TLE4: variants seen among roughly 807,000 people sequenced by gnomAD.
TLE4 encodes the protein TLE family member 4, transcriptional corepressor, also known as transducin-like enhancer protein 4.
In TLE4, 8 loss-of-function variants were observed where a neutral mutation model predicts 92.8. The ratio of observed to expected loss-of-function variants is 0.09; its 90% CI spans 0.05 to 0.16. The LOEUF (loss-of-function observed/expected upper bound fraction) is 0.16, where lower values mean the gene tolerates loss of function less well. Ranked by LOEUF, TLE4 falls within the 10% of genes least tolerant of loss-of-function variation. The probability of loss-of-function intolerance (pLI) is 1.00; values close to 1 mark genes in which losing one functional copy is unlikely to be tolerated. For missense variants in TLE4, 675 were observed against 997.6 expected, an observed-to-expected ratio of 0.68 and a Z score of 4.36; for synonymous variants, 371 against 374.1, an observed-to-expected ratio of 0.99 and a Z score of 0.10.
At chr9:79,723,278 C>T in intron 19 of TLE4, among the ~76,000 whole-genome samples, 1 of 152,178 alleles carries the variant, frequency 6.6e-6, no homozygotes, top group Non-Finnish European at 1.5e-5. Flanking sequence ...CTCACTGTTG[C>T]TTCATCATCA....
At chr9:79,664,117 G>A (rs2060997822) in intron 8 of TLE4, among the ~76,000 whole-genome samples, 1 of 152,204 alleles carries the variant, frequency 6.6e-6, no homozygotes, top group Non-Finnish European at 1.5e-5. Flanking sequence ...CGTGCAGAGG[G>A]GTAATCTGGA....
chr9:79,638,502 T>C lies in TLE4; in HGVS notation c.390+11054T>C, dbSNP rs779023569. On this transcript the variant is annotated intron_variant, in intron 6 of 19. Transcript: ENST00000376552. Reference sequence around the variant, plus strand: ...AGAATGGTACATTCTTGAATCCTTTTTAAGGCAGCTCTATAGCTAGTCTGA... The same window carrying C: ...AGAATGGTACATTCTTGAATCCTTTCTAAGGCAGCTCTATAGCTAGTCTGA... Among the ~76,000 whole-genome samples, 13 of 152,098 alleles carry C rather than the reference T, an allele frequency of 8.5e-5. 1 individual carries two copies. The highest frequency in any genetic ancestry group is 1.3e-4 in the Admixed American group (2 of 15,252).
At chr9:79,673,942 A>C (rs552681870) in intron 8 of TLE4, among the ~76,000 whole-genome samples, 1 of 152,116 alleles carries the variant, frequency 6.6e-6, no homozygotes, top group East Asian at 1.9e-4. Flanking sequence ...CGTTCTGCTT[A>C]ATGTTTCCTG....
At chr9:79,576,885 A>G (rs1230572693) in intron 4 of TLE4, 1 of 152,050 alleles carries the variant, frequency 6.6e-6, no homozygotes, top group Admixed American at 6.6e-5. Flanking sequence ...AGGAGACTGA[A>G]TAAAATGGTT....
At chr9:79,643,712 G>A (rs552318098) in intron 6 of TLE4, among the ~76,000 whole-genome samples, 2 of 152,256 alleles carry the variant, frequency 1.3e-5, no homozygotes, top group Admixed American at 6.5e-5. Flanking sequence ...CATATTACTG[G>A]TGAAGCTAGG....
intron 6 of TLE4, among the ~76,000 whole-genome samples, chr9:79,647,368 G>A (rs2058259045): frequency 6.6e-6 from 1 of 152,032 alleles, no homozygotes; most frequent in South Asian, 2.1e-4. Context: ...TTATATTTAA[G>A]CCCATTTATA....
intron 4 of TLE4, among the ~76,000 whole-genome samples, chr9:79,581,520 T>G (rs2039661949): frequency 6.6e-6 from 1 of 152,260 alleles, no homozygotes; most frequent in South Asian, 2.1e-4. Context: ...TGGAATTTCC[T>G]TTCAATAGAA....
At chr9:79,660,566 C>T (rs1359099123) in intron 8 of TLE4, among the ~76,000 whole-genome samples, 4 of 152,104 alleles carry the variant, frequency 2.6e-5, no homozygotes. Context: ...TATTTGTTTA[C>T]AAGACTTTTA....
chr9:79,620,215 C>T (rs1420244482), intron 5 of TLE4, among the ~76,000 whole-genome samples: 2 of 152,062 alleles, frequency 1.3e-5, no homozygotes, highest in African/African-American at 2.4e-5. Flanking sequence ...TTGAAGGTAC[C>T]TTGAGTAGAG....
chr9:79,580,696 T>C (rs1195971864), intron 4 of TLE4, among the ~76,000 whole-genome samples: 1 of 152,012 alleles, frequency 6.6e-6, no homozygotes, highest in Non-Finnish European at 1.5e-5. Context: ...AATGTGTCTG[T>C]TATATTCTTA....
At chr9:79,699,783 C>T (rs1479530995) in intron 8 of TLE4, among the ~76,000 whole-genome samples, 3 of 152,156 alleles carry the variant, frequency 2.0e-5, no homozygotes, top group Non-Finnish European at 4.4e-5. Context: ...CATTTGAAAT[C>T]AAATTAGAAA....
chr9:79,572,945 G>A, intron 1 of TLE4, 110 bp downstream of exon 1: 1 of 1,206,422 alleles, frequency 8.3e-7, no homozygotes, highest in Non-Finnish European at 1.1e-6. Context: ...AGAGCCGCCC[G>A]AAATCGGCGC....
At chr9:79,605,649 G>A (rs901750838) in intron 4 of TLE4, among the ~76,000 whole-genome samples, 1 of 151,992 alleles carries the variant, frequency 6.6e-6, no homozygotes, top group Non-Finnish European at 1.5e-5. Flanking sequence ...GACTGGAATA[G>A]TACCATGAAA....
At chr9:79,601,384 T>C (rs1016803719) in intron 4 of TLE4, 9 of 456,598 alleles carry the variant, frequency 2.0e-5, no homozygotes, top group Non-Finnish European at 4.0e-5. Context: ...ATACCTTGTT[T>C]TACTGGGTCT....
chr9:79,586,574 A>G (rs922835761), intron 4 of TLE4, among the ~76,000 whole-genome samples: 12 of 152,196 alleles, frequency 7.9e-5, no homozygotes, highest in African/African-American at 2.7e-4. Context: ...TGTGGCTTAC[A>G]GTGAGCTTGA....
In TLE4 at chr9:79,679,192, G is replaced by A. The variant is rs1354913209; in HGVS notation, c.609+25117G>A. ...TCTAGTTCTAGATCCCTGAGGAATC[G>A]CCACACTGACTTCCACAATGGTTGA... On this transcript the variant is annotated intron_variant, in intron 8 of 19. Coordinates refer to ENST00000376552, the MANE Select transcript of TLE4 (RefSeq NM_007005.6). Among the ~76,000 whole-genome samples the A allele has an allele frequency of 3.9e-5, 6 of 152,106 alleles. No homozygotes were observed. In the East Asian group the frequency reaches 5.8e-4, roughly 15 times the overall value.
chr9:79,618,839 CAAATG>C (rs2050273179), intron 5 of TLE4, among the ~76,000 whole-genome samples: 2 of 152,030 alleles, frequency 1.3e-5, no homozygotes, highest in East Asian at 1.9e-4. Flanking sequence ...ATTGGTTTAA[CAAATG>C]AAATAAAGAA....
chr9:79,696,457 C>T (rs558639286), intron 8 of TLE4, among the ~76,000 whole-genome samples: 62 of 152,196 alleles, frequency 4.1e-4, no homozygotes, highest in Admixed American at 8.5e-4. Flanking sequence ...GATTAGCGAC[C>T]TTAAAACTTA....
At chr9:79,607,340 G>A (rs528101298) in intron 4 of TLE4, among the ~76,000 whole-genome samples, 34 of 152,004 alleles carry the variant, frequency 2.2e-4, no homozygotes, top group Non-Finnish European at 4.4e-4. Context: ...CACTCTGATG[G>A]TAGTTTCTTT....
Sources: allele counts gnomAD v4.1 joint callset (sites outside exome capture counted in the v4.1 genomes callset), GRCh38; gene constraint gnomAD v4.1.1; transcripts MANE v1.5; gene names NCBI Gene and HGNC (gene_info 2026-07-23, HGNC 2026-07-21).